Variants in CTNNA3 observed in about 807,000 individuals in gnomAD.
CTNNA3 encodes the protein catenin alpha-3.
A neutral mutation model predicts 95.7 loss-of-function variants in CTNNA3; 76 were observed. That is an observed-to-expected ratio of 0.79 (90% CI 0.66 to 0.96). The LOEUF is 0.96. Ranked by LOEUF, CTNNA3 falls within the 40% of genes least tolerant of loss-of-function variation. The pLI is 0.00. For synonymous variants in CTNNA3, 431 were observed against 374.4 expected (o/e 1.15, Z -1.74); for missense variants, 1,191 against 1,089.8 (o/e 1.09, Z -1.31).
intron 7 of CTNNA3, among the ~76,000 whole-genome samples, chr10:66,782,374 C>G (rs1454827248): frequency 6.6e-6 from 1 of 152,114 alleles, no homozygotes; most frequent in Non-Finnish European, 1.5e-5. Context: ...AAACACCAGC[C>G]TTGTCCTGGA....
At chr10:67,661,641 G>C (rs1249508950) in intron 1 of CTNNA3, among the ~76,000 whole-genome samples, 1 of 151,860 alleles carries the variant, frequency 6.6e-6, no homozygotes, top group Non-Finnish European at 1.5e-5. Flanking sequence ...TATGACAAAG[G>C]TCTTGTATCC....
At chr10:67,389,890 C>A (rs1474627356) in intron 5 of CTNNA3, among the ~76,000 whole-genome samples, 4 of 151,590 alleles carry the variant, frequency 2.6e-5, no homozygotes, top group African/African-American at 9.7e-5. Flanking sequence ...ACCAGAATCT[C>A]TGGGACACAT....
rs561883696 is a variant in CTNNA3 at position 66,246,324 on chromosome 10, G to T, written c.1884+34146C>A. ...GGCAGCCACAACTGCGCCCAGGGTTGGGGGGTGGGGCTCCTGCTGGCTCCA... is the reference window on the plus strand; with the variant it reads ...GGCAGCCACAACTGCGCCCAGGGTTTGGGGGTGGGGCTCCTGCTGGCTCCA... On this transcript the variant is annotated intron_variant, in intron 13 of 17. Transcript: ENST00000433211. Among the ~76,000 whole-genome samples the T allele has an allele frequency of 2.6e-5, 4 of 152,224 alleles. No homozygotes were observed. The South Asian group carries it at 6.2e-4, about 24-fold the overall frequency.
At position 66,928,432 on chromosome 10, in the gene CTNNA3, T is replaced by G. The variant is rs753394802; in HGVS notation, c.1048-152908A>C. ...GACGGGACCCTGCACCTATAACAAA[T>G]CGGGCTCCAGGGAGTGTGAGGTATG... On this transcript the variant is annotated intron_variant, in intron 7 of 17. Transcript: ENST00000433211. 10 of 1,609,506 alleles carry G rather than the reference T, an allele frequency of 6.2e-6. No individual in the cohort carries two copies. In the South Asian group the frequency reaches 1.1e-4, roughly 18 times the overall value.
chr10:66,213,282 GA>G (rs941021793), intron 13 of CTNNA3, among the ~76,000 whole-genome samples: 7 of 150,538 alleles, frequency 4.6e-5, no homozygotes, highest in Non-Finnish European at 7.4e-5. Context: ...GATGAGTGTA[GA>G]AAAAAAAATC....
At chr10:67,383,510 T>C (rs969877838) in intron 5 of CTNNA3, among the ~76,000 whole-genome samples, 2 of 152,228 alleles carry the variant, frequency 1.3e-5, no homozygotes, top group Admixed American at 1.3e-4. Context: ...CACTACATAA[T>C]GTAGTCTCAC....
In CTNNA3 at chr10:67,089,811, A is replaced by C. The variant is rs139633538; in HGVS notation, c.1047+90506T>G. Among the ~76,000 whole-genome samples the C allele has an allele frequency of 7.6e-4, 115 of 150,962 alleles. No homozygotes were observed. In the East Asian group the frequency reaches 0.022, roughly 28 times the overall value. On this transcript the variant is annotated intron_variant, in intron 7 of 17. Coordinates refer to ENST00000433211, the MANE Select transcript of CTNNA3 (RefSeq NM_013266.4). ...GGCCCCCCATCCATTGCCTTCCTTT[A>C]CTATCTTGCACCATTTGTCCATCCC...
chr10:67,306,795 A>G (rs1840571220), intron 5 of CTNNA3, among the ~76,000 whole-genome samples: 1 of 152,082 alleles, frequency 6.6e-6, no homozygotes, highest in African/African-American at 2.4e-5. Context: ...TTTAAAAAAA[A>G]ATACAAGGAT....
chr10:66,931,858 T>C (rs2132643066), intron 7 of CTNNA3, among the ~76,000 whole-genome samples: 1 of 152,350 alleles, frequency 6.6e-6, no homozygotes, highest in African/African-American at 2.4e-5. Flanking sequence ...AGAGTGCTTA[T>C]ACTCATCGAT....
chr10:66,632,953 G>C (rs947948851), intron 9 of CTNNA3, among the ~76,000 whole-genome samples: 1 of 152,050 alleles, frequency 6.6e-6, no homozygotes, highest in Non-Finnish European at 1.5e-5. Flanking sequence ...TCTCAGTCTA[G>C]CTCTTACTAA....
intron 15 of CTNNA3, among the ~76,000 whole-genome samples, chr10:66,044,542 A>G (rs938189547): frequency 1.3e-5 from 2 of 151,878 alleles, no homozygotes; most frequent in African/African-American, 4.8e-5. Flanking sequence ...TTCTAATATT[A>G]TCCCGCCATG....
chr10:66,636,221 C>A (rs1845332286), intron 9 of CTNNA3, among the ~76,000 whole-genome samples: 2 of 151,908 alleles, frequency 1.3e-5, no homozygotes, highest in Admixed American at 6.6e-5. Context: ...TGAAGTATAG[C>A]TAATTATGTA....
intron 7 of CTNNA3, among the ~76,000 whole-genome samples, chr10:67,167,851 G>A (rs546696590): frequency 3.9e-5 from 6 of 152,222 alleles, no homozygotes; most frequent in South Asian, 4.1e-4. Flanking sequence ...AGAGGTTATC[G>A]GCCGAGTATA....
chr10:67,738,972 T>C (rs149165128), intron 1 of CTNNA3, among the ~76,000 whole-genome samples: 2,507 of 152,316 alleles, frequency 0.016, 72 homozygotes, highest in African/African-American at 0.057. Context: ...CTGATTGGTG[T>C]ACCTGAAAGT....
chr10:67,423,278 T>C (rs1845810585), intron 5 of CTNNA3, among the ~76,000 whole-genome samples: 1 of 152,106 alleles, frequency 6.6e-6, no homozygotes, highest in African/African-American at 2.4e-5. Flanking sequence ...TATCTTTCTC[T>C]CCTAGGAGTA....
chr10:66,069,300 A>G lies in CTNNA3; in HGVS notation c.2159+8T>C. ...ATGAATATTACACATCGTTTTCCAC[A>G]TAATTACCTAGTGAAGTCTGTCATC... On this transcript the variant is annotated splice_region_variant and intron_variant, in intron 15 of 17. Transcript: ENST00000433211. The G allele has an allele frequency of 1.2e-6, 2 of 1,611,784 alleles. No individual in the cohort carries two copies. Among genetic ancestry groups the G allele is most frequent in the Non-Finnish European group, 1.7e-6 (2 of 1,178,314 alleles).
intron 5 of CTNNA3, among the ~76,000 whole-genome samples, chr10:67,274,167 A>C (rs2132425481): frequency 6.6e-6 from 1 of 152,332 alleles, no homozygotes; most frequent in South Asian, 2.1e-4. Flanking sequence ...GATTCTCACA[A>C]CTGTTCTTAG....
chr10:66,194,861 C>T (rs957327884), intron 13 of CTNNA3, among the ~76,000 whole-genome samples: 2 of 152,130 alleles, frequency 1.3e-5, no homozygotes, highest in African/African-American at 4.8e-5. Context: ...AGGCTCTATC[C>T]TGCCTTTTCC....
intron 7 of CTNNA3, among the ~76,000 whole-genome samples, chr10:66,934,831 T>C (rs1419333006): frequency 2.0e-5 from 3 of 152,148 alleles, no homozygotes; most frequent in Non-Finnish European, 4.4e-5. Flanking sequence ...TGACATTTCA[T>C]CACATCAATT....
Sources: gnomAD v4.1 joint callset for allele counts (sites outside exome capture counted in the v4.1 genomes callset) on GRCh38, gnomAD v4.1.1 for gene constraint, MANE v1.5 for transcripts, NCBI Gene and HGNC (gene_info 2026-07-23, HGNC 2026-07-21) for gene names.